Variants in TRAF3 observed in about 807,000 individuals in gnomAD.
The protein encoded by TRAF3 is TNF receptor-associated factor 3.
A neutral mutation model predicts 62.3 loss-of-function variants in TRAF3; 13 were observed. The ratio of observed to expected loss-of-function variants is 0.21; its 90% CI spans 0.14 to 0.33. TRAF3 has a LOEUF of 0.33. Ranked by LOEUF, TRAF3 falls within the 10% of genes least tolerant of loss-of-function variation. The pLI is 1.00. For missense variants in TRAF3, 440 were observed against 741.8 expected, an observed-to-expected ratio of 0.59 and a Z score of 4.73; for synonymous variants, 269 against 283.4, an observed-to-expected ratio of 0.95 and a Z score of 0.51.
intron 6 of TRAF3, among the ~76,000 whole-genome samples, chr14:102,880,661 A>G (rs1888998155): frequency 6.6e-6 from 1 of 152,268 alleles, no homozygotes. Context: ...ATGCACATGT[A>G]TGTTCATTGA....
At chr14:102,814,253 A>T (rs532562812) in intron 1 of TRAF3, among the ~76,000 whole-genome samples, 7 of 152,176 alleles carry the variant, frequency 4.6e-5, no homozygotes, top group African/African-American at 1.7e-4. Context: ...TGGGTTTTCT[A>T]TTCTTTTCCA....
Position 102,834,195 on chromosome 14 carries a change from C to G in TRAF3, c.-18+3723C>G, listed in dbSNP as rs141041858. Among the ~76,000 whole-genome samples the G allele has an allele frequency of 8.5e-5, 13 of 152,222 alleles. No homozygotes were observed. The East Asian group carries it at 2.1e-3, about 25-fold the overall frequency. On this transcript the variant is annotated intron_variant, in intron 2 of 11. Coordinates refer to ENST00000392745, the MANE Select transcript of TRAF3 (RefSeq NM_145725.3). ...CTGGAGGCATTCTGTTACGCAACTTCAGACTATACTACATGGCTACAGCAA... is the reference window on the plus strand; with the variant it reads ...CTGGAGGCATTCTGTTACGCAACTTGAGACTATACTACATGGCTACAGCAA...
In TRAF3 at chr14:102,907,428, T is replaced by G. The variant is rs1160620689; in HGVS notation, c.*1644T>G. On this transcript the variant is annotated 3_prime_UTR_variant, in exon 12 of 12. Transcript: ENST00000392745. Reference sequence around the variant, plus strand: ...CAGTGTCCAACTGTGATTAGAAGCCTGGAGCCTGCCCCCTGCACCCCTTTT... The same window carrying G: ...CAGTGTCCAACTGTGATTAGAAGCCGGGAGCCTGCCCCCTGCACCCCTTTT... The G allele has an allele frequency of 1.3e-5, 2 of 152,500 alleles. No individual in the cohort carries two copies. The highest frequency in any genetic ancestry group is 4.8e-5 in the African/African-American group (2 of 41,478). The allele number at this position is 152,500 out of a possible 1,614,324, so 9.4% of individuals were successfully genotyped here.
intron 2 of TRAF3, among the ~76,000 whole-genome samples, chr14:102,860,982 G>A (rs1215558234): frequency 6.6e-6 from 1 of 152,230 alleles, no homozygotes. Flanking sequence ...CAAGATGGTG[G>A]CCCTGAATAA....
At chr14:102,858,614 T>G (rs1338627880) in intron 2 of TRAF3, among the ~76,000 whole-genome samples, 6 of 152,228 alleles carry the variant, frequency 3.9e-5, no homozygotes, top group Admixed American at 2.0e-4. Context: ...CAGCCACTAT[T>G]AAAGGCACAA....
In TRAF3 at chr14:102,822,078, GT is replaced by G. The variant is rs534584388; in HGVS notation, c.-156-8250del. Among the ~76,000 whole-genome samples the G allele has an allele frequency of 4.6e-5, 7 of 151,952 alleles. No individual in the cohort carries two copies. In the East Asian group the frequency reaches 1.3e-3, roughly 29 times the overall value. On this transcript the variant is annotated intron_variant, in intron 1 of 11. Coordinates refer to ENST00000392745, the MANE Select transcript of TRAF3 (RefSeq NM_145725.3). ...AATACAATAAAATAAAAGACTGAGG[GT>G]TTTTTAAAAGGTCATAATAGAAAAA...
chr14:102,810,832 G>A (rs1190065281), intron 1 of TRAF3: 2 of 152,234 alleles, frequency 1.3e-5, no homozygotes, highest in Non-Finnish European at 2.9e-5. Context: ...ACCTGGGTGT[G>A]GACGTATTCT....
intron 2 of TRAF3, among the ~76,000 whole-genome samples, chr14:102,847,658 T>C (rs1886803614): frequency 6.6e-6 from 1 of 152,194 alleles, no homozygotes; most frequent in South Asian, 2.1e-4. Context: ...TTAAAACATA[T>C]GACACACAGG....
intron 2 of TRAF3, among the ~76,000 whole-genome samples, chr14:102,866,470 C>A (rs1595375188): frequency 6.6e-6 from 1 of 152,152 alleles, no homozygotes; most frequent in East Asian, 1.9e-4. Flanking sequence ...ATACATAAAA[C>A]TAACAAAGGA....
At chr14:102,851,434 T>C (rs1459278161) in intron 2 of TRAF3, among the ~76,000 whole-genome samples, 3 of 152,168 alleles carry the variant, frequency 2.0e-5, no homozygotes, top group Admixed American at 2.0e-4. Context: ...GGACCAGATA[T>C]GGTCACAGAT....
Position 102,905,202 on chromosome 14 carries a change from A to T in TRAF3, c.1136-11A>T. 1 of 1,612,834 alleles carries T rather than the reference A, an allele frequency of 6.2e-7. No homozygotes were observed. Among genetic ancestry groups the T allele is most frequent in the Admixed American group, 1.7e-5 (1 of 60,024 alleles). ...CTGTCTCATTCACCAAACCCTCCTC[A>T]CCTGTGGCAGGCCTGCTGGAGTCCC... On this transcript the variant is annotated splice_polypyrimidine_tract_variant and intron_variant, in intron 11 of 11. Transcript: ENST00000392745.
At chr14:102,820,454 T>C (rs1899829443) in intron 1 of TRAF3, among the ~76,000 whole-genome samples, 1 of 150,988 alleles carries the variant, frequency 6.6e-6, no homozygotes, top group Non-Finnish European at 1.5e-5. Context: ...CAACATACGT[T>C]TTTCTGACTT....
At chr14:102,796,738 G>GT (rs1285786301) in intron 1 of TRAF3, among the ~76,000 whole-genome samples, 1 of 152,180 alleles carries the variant, frequency 6.6e-6, no homozygotes, top group Non-Finnish European at 1.5e-5. Flanking sequence ...TGCTTCTACC[G>GT]TGATTCCTGA....
chr14:102,783,332 A>G (rs943838422), intron 1 of TRAF3, among the ~76,000 whole-genome samples: 2 of 152,182 alleles, frequency 1.3e-5, no homozygotes, highest in African/African-American at 4.8e-5. Context: ...TCTTTGATGG[A>G]AAGTTTTATT....
chr14:102,878,971 C>T (rs1415414222), intron 6 of TRAF3, among the ~76,000 whole-genome samples: 1 of 151,898 alleles, frequency 6.6e-6, no homozygotes, highest in Admixed American at 6.6e-5. Context: ...AAGGTGACTC[C>T]CAGTGCTTGT....
At chr14:102,838,465 G>C (rs1043575002) in intron 2 of TRAF3, among the ~76,000 whole-genome samples, 4 of 152,196 alleles carry the variant, frequency 2.6e-5, no homozygotes, top group Admixed American at 1.3e-4. Flanking sequence ...ACAAACAAGT[G>C]GTACCTGCTG....
chr14:102,843,797 G>T (rs1886526417), intron 2 of TRAF3, among the ~76,000 whole-genome samples: 1 of 151,936 alleles, frequency 6.6e-6, no homozygotes, highest in African/African-American at 2.4e-5. Context: ...GACAGAGTGA[G>T]ACCCTGTGTT....
chr14:102,869,889 C>A (rs1052945170), intron 2 of TRAF3, among the ~76,000 whole-genome samples: 1 of 151,890 alleles, frequency 6.6e-6, no homozygotes, highest in African/African-American at 2.4e-5. Flanking sequence ...TAGCTTGGTG[C>A]AACCTTCAAC....
intron 1 of TRAF3, among the ~76,000 whole-genome samples, chr14:102,789,216 A>G (rs1033969876): frequency 6.6e-6 from 1 of 152,210 alleles, no homozygotes; most frequent in Non-Finnish European, 1.5e-5. Context: ...TTATTGCTGA[A>G]TCATAATCCA....
Sources: allele counts gnomAD v4.1 joint callset (sites outside exome capture counted in the v4.1 genomes callset), GRCh38; gene constraint gnomAD v4.1.1; transcripts MANE v1.5; gene names NCBI Gene and HGNC (gene_info 2026-07-23, HGNC 2026-07-21).